Variants in SGCD observed in about 807,000 individuals in gnomAD.
The protein encoded by SGCD is delta-sarcoglycan.
Under a neutral mutation model 36.6 loss-of-function variants are expected in SGCD, and 18 were observed. That is an observed-to-expected ratio of 0.49 (90% CI 0.34 to 0.73). SGCD has a LOEUF of 0.73. Ranked by LOEUF, SGCD falls within the 30% of genes least tolerant of loss-of-function variation. The pLI is 0.01. For synonymous variants in SGCD, 133 were observed against 130.6 expected (o/e 1.02, Z -0.12); for missense variants, 387 against 346.7 (o/e 1.12, Z -0.92).
chr5:156,294,799 C>T (rs192354733), intron 3 of SGCD, among the ~76,000 whole-genome samples: 59 of 152,214 alleles, frequency 3.9e-4, no homozygotes, highest in African/African-American at 1.1e-3. Context: ...AATTTTGATA[C>T]GCTAGATTAT....
the SGCD span, among the ~76,000 whole-genome samples, chr5:155,853,571 C>T: frequency 9.5e-4 from 145 of 152,228 alleles, no homozygotes; most frequent in African/African-American, 3.2e-3. Context: ...GATTAAAAGT[C>T]GCCAGGTTGC....
the SGCD span, among the ~76,000 whole-genome samples, chr5:155,827,246 A>G: frequency 6.6e-6 from 1 of 152,196 alleles, no homozygotes; most frequent in African/African-American, 2.4e-5. Flanking sequence ...CAGTATTTAA[A>G]CCACAAGAGT....
intron 1 of SGCD, among the ~76,000 whole-genome samples, chr5:155,909,077 G>T (rs1756579889): frequency 6.6e-6 from 1 of 152,030 alleles, no homozygotes; most frequent in African/African-American, 2.4e-5. Context: ...TAATTATCTG[G>T]TGAATGTTAG....
chr5:156,560,958 G>T (rs554829513), intron 4 of SGCD, among the ~76,000 whole-genome samples: 3 of 152,134 alleles, frequency 2.0e-5, no homozygotes, highest in African/African-American at 7.2e-5. Context: ...TCTTACCTTG[G>T]CATATATAAT....
At chr5:156,404,779 G>A (rs972242) in intron 3 of SGCD, among the ~76,000 whole-genome samples, 3,499 of 152,144 alleles carry the variant, frequency 0.023, 205 homozygotes, top group East Asian at 0.19. Context: ...AAATATTTTG[G>A]TATGAATTTG....
intron 3 of SGCD, among the ~76,000 whole-genome samples, chr5:156,313,507 A>T (rs1440290352): frequency 6.6e-6 from 1 of 152,080 alleles, no homozygotes; most frequent in Non-Finnish European, 1.5e-5. Flanking sequence ...CTATGGTTAT[A>T]TGTAAATATT....
chr5:156,039,076 T>C (rs946744122), intron 1 of SGCD, among the ~76,000 whole-genome samples: 35 of 152,040 alleles, frequency 2.3e-4, no homozygotes, highest in Non-Finnish European at 7.4e-5. Flanking sequence ...CCAGTCCCCA[T>C]ATACGTAAAG....
intron 7 of SGCD, among the ~76,000 whole-genome samples, chr5:156,681,338 T>C (rs1753714423): frequency 6.6e-6 from 1 of 152,158 alleles, no homozygotes; most frequent in Admixed American, 6.5e-5. Context: ...TTGTCTGAAG[T>C]TAGCCACAAC....
chr5:156,000,456 G>T (rs1758641258), intron 1 of SGCD, among the ~76,000 whole-genome samples: 1 of 152,152 alleles, frequency 6.6e-6, no homozygotes. Context: ...AAAGCATAAG[G>T]CACTTGTTTC....
At chr5:156,527,628 C>T (rs74396266) in intron 4 of SGCD, among the ~76,000 whole-genome samples, 295 of 152,330 alleles carry the variant, frequency 1.9e-3, no homozygotes, top group African/African-American at 6.8e-3. Flanking sequence ...AACCATCTAT[C>T]TGTGAAAGAA....
the SGCD span, among the ~76,000 whole-genome samples, chr5:155,840,649 C>T: frequency 6.6e-6 from 1 of 151,110 alleles, no homozygotes; most frequent in African/African-American, 2.4e-5. Context: ...CATGTATTTT[C>T]TGCCTCAGTT....
chr5:156,718,952 A>G (rs759793575), intron 7 of SGCD, among the ~76,000 whole-genome samples: 1 of 152,072 alleles, frequency 6.6e-6, no homozygotes, highest in Non-Finnish European at 1.5e-5. Context: ...TCTACCTGTA[A>G]TACTCTTTTC....
chr5:155,851,355 T>C, the SGCD span, among the ~76,000 whole-genome samples: 4 of 152,130 alleles, frequency 2.6e-5, no homozygotes, highest in Non-Finnish European at 4.4e-5. Flanking sequence ...GAAAGGGTTT[T>C]GTTGTGGGGA....
chr5:156,524,287 T>TTATA (rs5872468), intron 4 of SGCD, among the ~76,000 whole-genome samples: 6,993 of 130,046 alleles, frequency 0.054, 456 homozygotes, highest in African/African-American at 0.15. Flanking sequence ...ATATATATAG[T>TTATA]TATATATATA....
intron 1 of SGCD, among the ~76,000 whole-genome samples, chr5:155,996,022 A>C (rs1205383088): frequency 6.6e-6 from 1 of 151,562 alleles, no homozygotes; most frequent in Non-Finnish European, 1.5e-5. Context: ...TTACAAAAAA[A>C]AAAAAACCTG....
At chr5:156,102,292 C>T (rs1251359917) in intron 1 of SGCD, among the ~76,000 whole-genome samples, 2 of 151,958 alleles carry the variant, frequency 1.3e-5, no homozygotes, top group African/African-American at 4.8e-5. Context: ...CTGTTTTATA[C>T]CAGCTTCCAT....
intron 1 of SGCD, among the ~76,000 whole-genome samples, chr5:155,891,074 C>T (rs1756117809): frequency 6.6e-6 from 1 of 152,168 alleles, no homozygotes; most frequent in Non-Finnish European, 1.5e-5. Flanking sequence ...AGGAACATGA[C>T]ATGTGTTGGA....
At chr5:155,895,208 C>T (rs1580976891) in intron 1 of SGCD, among the ~76,000 whole-genome samples, 1 of 152,214 alleles carries the variant, frequency 6.6e-6, no homozygotes, top group African/African-American at 2.4e-5. Flanking sequence ...CACATGAAAT[C>T]GTACTTTCCA....
At chr5:155,809,881 G>A in the SGCD span, among the ~76,000 whole-genome samples, 3 of 152,154 alleles carry the variant, frequency 2.0e-5, no homozygotes, top group Non-Finnish European at 4.4e-5. Flanking sequence ...ATCATCATCT[G>A]ATGAAAGATA....
Sources: allele counts gnomAD v4.1 joint callset (sites outside exome capture counted in the v4.1 genomes callset), GRCh38; gene constraint gnomAD v4.1.1; transcripts MANE v1.5; gene names NCBI Gene and HGNC (gene_info 2026-07-23, HGNC 2026-07-21).